DLGAP2: variants seen among roughly 807,000 people sequenced by gnomAD.
DLGAP2 encodes the protein DLG associated protein 2.
DLGAP2 carries 26 observed loss-of-function variants against 100.3 expected under a neutral mutation model. The observed-to-expected ratio is 0.26, with a 90% CI of 0.19 to 0.36. The LOEUF (loss-of-function observed/expected upper bound fraction) is 0.36, where lower values mean the gene tolerates loss of function less well. Ranked by LOEUF, DLGAP2 falls within the 10% of genes least tolerant of loss-of-function variation. The pLI, the probability that DLGAP2 is intolerant of heterozygous loss-of-function variation, is 1.00. For missense variants in DLGAP2, 1,858 were observed against 1,453.2 expected, an observed-to-expected ratio of 1.28 and a Z score of -4.53; for synonymous variants, 886 against 630.1, an observed-to-expected ratio of 1.41 and a Z score of -6.08.
chr8:958,285 TC>T (rs1420108707), intron 2 of DLGAP2, among the ~76,000 whole-genome samples: 3 of 152,196 alleles, frequency 2.0e-5, no homozygotes, highest in Non-Finnish European at 4.4e-5. Flanking sequence ...GTTTTGTCGA[TC>T]CATTCATCTA....
chr8:1,199,821 GA>G (rs1782112620), intron 2 of DLGAP2, among the ~76,000 whole-genome samples: 1 of 148,566 alleles, frequency 6.7e-6, no homozygotes, highest in Non-Finnish European at 1.5e-5. Context: ...GATCAGTGAA[GA>G]GGGAAAAAAA....
chr8:1,695,984 T>C (rs7465223), intron 13 of DLGAP2, among the ~76,000 whole-genome samples: 35,208 of 152,186 alleles, frequency 0.23, 4,382 homozygotes, highest in East Asian at 0.37. Context: ...CAGAGAAGAA[T>C]GGGCTCAGCC....
chr8:1,546,262 T>G (rs1026979850), intron 4 of DLGAP2, among the ~76,000 whole-genome samples: 1 of 152,208 alleles, frequency 6.6e-6, no homozygotes, highest in African/African-American at 2.4e-5. Flanking sequence ...CTCTTTATCC[T>G]TCAACTGGGG....
intron 1 of DLGAP2, among the ~76,000 whole-genome samples, chr8:866,818 G>C (rs1051454215): frequency 6.6e-6 from 1 of 152,178 alleles, no homozygotes; most frequent in Admixed American, 6.5e-5. Context: ...ATTCATTCCA[G>C]GTCCCCTGGG....
At chr8:1,305,172 A>T (rs909271948) in intron 3 of DLGAP2, among the ~76,000 whole-genome samples, 4 of 152,202 alleles carry the variant, frequency 2.6e-5, no homozygotes, top group African/African-American at 9.7e-5. Context: ...GACCTAAGCA[A>T]GTGACTTCTT....
chr8:948,230 T>C (rs1259701275), intron 2 of DLGAP2, among the ~76,000 whole-genome samples: 1 of 152,098 alleles, frequency 6.6e-6, no homozygotes, highest in Non-Finnish European at 1.5e-5. Context: ...GGGGCATAGG[T>C]GGAGGCTCCC....
At chr8:1,278,295 G>T (rs1799746797) in intron 3 of DLGAP2, among the ~76,000 whole-genome samples, 1 of 152,166 alleles carries the variant, frequency 6.6e-6, no homozygotes, top group African/African-American at 2.4e-5. Context: ...TCTTCCAGTT[G>T]TAAGAACAGA....
intron 1 of DLGAP2, among the ~76,000 whole-genome samples, chr8:898,737 C>G (rs1490176767): frequency 6.6e-6 from 1 of 152,186 alleles, no homozygotes; most frequent in Non-Finnish European, 1.5e-5. Flanking sequence ...TCTCACAAAG[C>G]ACGTGGAAGC....
intron 6 of DLGAP2, among the ~76,000 whole-genome samples, chr8:1,582,443 A>G (rs1803319776): frequency 6.6e-6 from 1 of 152,158 alleles, no homozygotes; most frequent in South Asian, 2.1e-4. Context: ...AAAACAGGAA[A>G]AGACGTTAGC....
intron 3 of DLGAP2, among the ~76,000 whole-genome samples, chr8:1,319,536 A>T (rs908631632): frequency 2.0e-5 from 3 of 152,182 alleles, no homozygotes; most frequent in Non-Finnish European, 4.4e-5. Context: ...GGAATACAGC[A>T]TGAGTTAAAA....
Position 1,417,657 on chromosome 8 carries a change from C to A in DLGAP2, c.107-83709C>A, listed in dbSNP as rs546584862. ...CAGGGGGGCACGGGGAGCCCCACTC[C>A]TGCCTCACTCCGCGAGGCTCCAGGG... On this transcript the variant is annotated intron_variant, in intron 3 of 14. Coordinates refer to ENST00000637795, the MANE Select transcript of DLGAP2 (RefSeq NM_001346810.2). Among the ~76,000 whole-genome samples the A allele has an allele frequency of 1.6e-4, 24 of 146,922 alleles. 2 individuals carry two copies. In the South Asian group the frequency reaches 2.8e-3, roughly 17 times the overall value.
intron 4 of DLGAP2, 136 bp downstream of exon 4, chr8:1,501,567 C>T (rs552704853): frequency 1.3e-5 from 11 of 854,848 alleles, no homozygotes; most frequent in South Asian, 7.1e-5. Flanking sequence ...GAACTAAGTA[C>T]AATGCGGCAC....
intron 3 of DLGAP2, among the ~76,000 whole-genome samples, chr8:1,299,462 A>C (rs1800278333): frequency 6.6e-6 from 1 of 152,224 alleles, no homozygotes; most frequent in Non-Finnish European, 1.5e-5. Context: ...TCTTTGTGAT[A>C]ATCTTAGGAA....
At chr8:1,605,317 A>C (rs927343516) in intron 6 of DLGAP2, among the ~76,000 whole-genome samples, 1 of 152,096 alleles carries the variant, frequency 6.6e-6, no homozygotes, top group Non-Finnish European at 1.5e-5. Flanking sequence ...ATGGTTACCT[A>C]CTTGATTCGC....
chr8:1,448,476 T>A (rs1798043448), intron 3 of DLGAP2, among the ~76,000 whole-genome samples: 3 of 152,206 alleles, frequency 2.0e-5, no homozygotes, highest in African/African-American at 7.2e-5. Flanking sequence ...TTCTGTTCTT[T>A]TACATTTGCT....
chr8:919,946 G>C (rs1263598484), intron 2 of DLGAP2, among the ~76,000 whole-genome samples: 1 of 152,170 alleles, frequency 6.6e-6, no homozygotes, highest in East Asian at 1.9e-4. Flanking sequence ...TCTATAACTA[G>C]CATTGGGGTC....
intron 3 of DLGAP2, among the ~76,000 whole-genome samples, chr8:1,403,641 C>A (rs1483680781): frequency 1.9e-3 from 25 of 13,280 alleles, no homozygotes; most frequent in Non-Finnish European, 2.8e-3. Flanking sequence ...CCCTCCTTGT[C>A]CTCCAGAGTC....
chr8:760,338 G>T (rs1477805565), intron 1 of DLGAP2, among the ~76,000 whole-genome samples: 3 of 152,130 alleles, frequency 2.0e-5, no homozygotes, highest in Non-Finnish European at 4.4e-5. Flanking sequence ...ATGCAGCCCT[G>T]TCCTTTCTAA....
At chr8:1,011,048 G>T (rs1276997788) in intron 2 of DLGAP2, among the ~76,000 whole-genome samples, 2 of 152,016 alleles carry the variant, frequency 1.3e-5, no homozygotes, top group African/African-American at 4.8e-5. Flanking sequence ...TCTGCATGGT[G>T]ATTCTGGGCA....
Sources: allele counts gnomAD v4.1 joint callset (sites outside exome capture counted in the v4.1 genomes callset), GRCh38; gene constraint gnomAD v4.1.1; transcripts MANE v1.5; gene names NCBI Gene and HGNC (gene_info 2026-07-23, HGNC 2026-07-21).